Variants in DBNDD1 observed in about 807,000 individuals in gnomAD.
DBNDD1 encodes the protein dysbindin domain containing 1.
DBNDD1 carries 14 observed loss-of-function variants against 17.0 expected under a neutral mutation model. The ratio of observed to expected loss-of-function variants is 0.82; its 90% confidence interval spans 0.54 to 1.29. The LOEUF (loss-of-function observed/expected upper bound fraction) is 1.29. Ranked by LOEUF, DBNDD1 falls within the 50% of genes most tolerant of loss-of-function variation. DBNDD1 has a pLI of 0.00. For missense variants in DBNDD1, 221 were observed against 216.2 expected (o/e 1.02, Z -0.14); for synonymous variants, 105 against 102.0 (o/e 1.03, Z -0.18).
At chr16:90,009,487 G>A (rs1371200492) in intron 1 of DBNDD1, 57 bp from the exon 2 acceptor site, 1 of 1,596,648 alleles carries the variant, frequency 6.3e-7, no homozygotes. Context: ...CATCCCCCCA[G>A]GACGCGGGGC....
intron 1 of DBNDD1, among the ~76,000 whole-genome samples, chr16:90,013,620 G>A (rs537055626): frequency 2.2e-4 from 34 of 152,264 alleles, no homozygotes; most frequent in Admixed American, 1.8e-3. Flanking sequence ...CTGGGGGGAC[G>A]TGGATCTCTG....
rs1366830444 is a variant in DBNDD1 at position 90,019,101 on chromosome 16, A to G, written c.31+210T>C. Reference sequence around the variant, plus strand: ...GGCTTCCCGGGCCGGGAGCGCAGAGAACAAGGGGGCGGAGACTCGGTCCGT... The same window carrying G: ...GGCTTCCCGGGCCGGGAGCGCAGAGGACAAGGGGGCGGAGACTCGGTCCGT... On this transcript the variant is annotated intron_variant, in intron 1 of 3. Transcript: ENST00000002501. This position sits in a 1 kb window ranked among gnomAD's most constrained non-coding sequence, Gnocchi z 6.1. 1.3e-5 allele frequency among the ~76,000 whole-genome samples: 2 copies of G among 152,108 alleles called. No individual in the cohort carries two copies. Among genetic ancestry groups the G allele is most frequent in the Non-Finnish European group, 2.9e-5 (2 of 67,986 alleles).
Position 90,008,885 on chromosome 16 carries a change from T to C in DBNDD1, c.218A>G (p.Asp73Gly). 6.3e-7 allele frequency: 1 copy of C among 1,589,640 alleles called. No homozygotes were observed. The highest frequency in any genetic ancestry group is 1.7e-5 in the Admixed American group (1 of 58,252). ...SSVSSLEVHF[D>G]LLDLTELTDM... The stretch of plus-strand genomic sequence containing the variant: ...GGTGAGCTCAGTGAGGTCCAGGAGG[T>C]CGAAGTGGACCTCCAGAGAGGAGAC... Residue 73 changes from aspartate to glycine, a missense_variant, in exon 3 of 4, where the codon GAC becomes GGC. Physicochemically the swap from Asp to Gly is moderately conservative, Grantham distance 94 (BLOSUM62 -1). Transcript: ENST00000002501.
At position 90,019,070 on chromosome 16, in the gene DBNDD1, G is replaced by T. The variant is rs1052391453; in HGVS notation, c.31+241C>A. Among the ~76,000 whole-genome samples, 1 of 152,218 alleles carries T rather than the reference G, an allele frequency of 6.6e-6. No individual in the cohort carries two copies. Among genetic ancestry groups the T allele is most frequent in the African/African-American group, 2.4e-5 (1 of 41,470 alleles). On this transcript the variant is annotated intron_variant, in intron 1 of 3. Coordinates refer to ENST00000002501, the MANE Select transcript of DBNDD1 (RefSeq NM_001042610.3). The surrounding 1 kb of genome is among the most constrained non-coding windows in gnomAD (Gnocchi z 6.1). ...CGGGCCACCCACCAAGGAGCGTGCC[G>T]GGCACGGCTTCCCGGGCCGGGAGCG... is the stretch of plus-strand genomic sequence containing the variant.
chr16:90,017,494 CAA>C (rs57236541), intron 1 of DBNDD1, among the ~76,000 whole-genome samples: 29,932 of 144,178 alleles, frequency 0.21, 4,248 homozygotes, highest in East Asian at 0.78. Context: ...GACTCCGTCT[CAA>C]AAAAAAAAAA....
intron 2 of DBNDD1, 89 bp from the exon 3 acceptor site, chr16:90,009,013 C>G (rs1223342054): frequency 2.1e-6 from 3 of 1,437,912 alleles, no homozygotes; most frequent in African/African-American, 1.4e-5. Flanking sequence ...GTGCTGTGTC[C>G]TCCCACAAGG....
intron 1 of DBNDD1, chr16:90,009,633 C>T (rs1479184463): frequency 1.4e-6 from 1 of 729,390 alleles, no homozygotes; most frequent in East Asian, 2.7e-5. Flanking sequence ...CTGCTCCTTC[C>T]CCTTGGGCCC....
At chr16:90,013,662 T>C (rs1486368412) in intron 1 of DBNDD1, among the ~76,000 whole-genome samples, 1 of 152,184 alleles carries the variant, frequency 6.6e-6, no homozygotes, top group Non-Finnish European at 1.5e-5. Flanking sequence ...GCGTCTCCCC[T>C]TGTAGTCCCC....
intron 3 of DBNDD1, 130 bp from the exon 4 acceptor site, chr16:90,006,622 G>C: frequency 8.3e-7 from 1 of 1,202,084 alleles, no homozygotes; most frequent in Non-Finnish European, 1.1e-6. Context: ...CACCAGGCAT[G>C]CACACATCTA....
At chr16:90,011,809 G>GA (rs2151262919) in intron 1 of DBNDD1, 1 of 377,232 alleles carries the variant, frequency 2.7e-6, no homozygotes, top group Non-Finnish European at 5.4e-6. Flanking sequence ...CAGGGGGTGA[G>GA]ATGTGGACTC....
At chr16:90,012,692 C>T (rs559986251) in intron 1 of DBNDD1, among the ~76,000 whole-genome samples, 1 of 152,046 alleles carries the variant, frequency 6.6e-6, no homozygotes, top group Non-Finnish European at 1.5e-5. Flanking sequence ...CTCCTGACCT[C>T]AGGTGATCCG....
chr16:90,017,386 T>TG (rs2035657743), intron 1 of DBNDD1, among the ~76,000 whole-genome samples: 1 of 151,156 alleles, frequency 6.6e-6, no homozygotes, highest in Non-Finnish European at 1.5e-5. Context: ...TCCCAGCCAC[T>TG]GGGGAGGCTG....
At chr16:90,012,452 CCTCTCCTCT>C (rs1320364852) in intron 1 of DBNDD1, among the ~76,000 whole-genome samples, 2 of 147,404 alleles carry the variant, frequency 1.4e-5, no homozygotes, top group African/African-American at 4.9e-5. Context: ...GGCACCCCCT[CCTCTCCTCT>C]CTCTTTTTTT....
chr16:90,015,330 G>A (rs1025675298), intron 1 of DBNDD1, among the ~76,000 whole-genome samples: 2 of 152,226 alleles, frequency 1.3e-5, no homozygotes, highest in Non-Finnish European at 2.9e-5. Context: ...TTGGCATGAA[G>A]AGCGTGCAGC....
In DBNDD1 at chr16:90,006,875, C is replaced by G. The variant is rs150530682; in HGVS notation, c.320-383G>C. The G allele has an allele frequency of 1.9e-4, 35 of 180,708 alleles. 1 individual carries two copies. Among genetic ancestry groups the G allele is most frequent in the African/African-American group, 1.0e-3 (34 of 32,660 alleles). The allele number at this position is 180,708 out of a possible 1,614,324, so 11.2% of individuals were successfully genotyped here. A position where few individuals can be genotyped will look rare whatever the true frequency, so the allele number is the denominator to read the frequency against. ...CCTGCAGGCCTCTTGGAGCCTCTGC[C>G]CCATCATGGGCCTTGTGTGTCCCCG... On this transcript the variant is annotated intron_variant, in intron 3 of 3. Transcript: ENST00000002501.
chr16:90,016,722 A>G (rs987200140), intron 1 of DBNDD1, among the ~76,000 whole-genome samples: 2 of 152,160 alleles, frequency 1.3e-5, no homozygotes, highest in Non-Finnish European at 2.9e-5. Flanking sequence ...CCTATTTTCC[A>G]GCACATTCTC....
chr16:90,011,068 G>C (rs150246110), intron 1 of DBNDD1, among the ~76,000 whole-genome samples: 1 of 152,246 alleles, frequency 6.6e-6, no homozygotes, highest in African/African-American at 2.4e-5. Flanking sequence ...CCCAGCGCAC[G>C]CTTGTCAGAT....
chr16:90,009,449 T>G lies in DBNDD1; in HGVS notation c.32-19A>C. 6.2e-7 allele frequency: 1 copy of G among 1,607,544 alleles called. No individual in the cohort carries two copies. The highest frequency in any genetic ancestry group is 8.5e-7 in the Non-Finnish European group (1 of 1,179,790). Reference sequence around the variant, plus strand: ...ACGATCTCTGCATCCAAAGACACAGTGTCACCTTGAGATCCACAGGGCTCC... The same window carrying G: ...ACGATCTCTGCATCCAAAGACACAGGGTCACCTTGAGATCCACAGGGCTCC... On this transcript the variant is annotated intron_variant, in intron 1 of 3. Transcript: ENST00000002501.
At chr16:90,019,619 C>T (rs2035739596), upstream of DBNDD1, 1 of 389,688 alleles carries the variant, frequency 2.6e-6, no homozygotes, top group African/African-American at 2.1e-5. The surrounding 1 kb of genome is among the most constrained non-coding windows in gnomAD (Gnocchi z 6.1). Flanking sequence ...CAGCGGACCC[C>T]TCCCCCGCCG....
Sources: allele counts gnomAD v4.1 joint callset (sites outside exome capture counted in the v4.1 genomes callset), GRCh38; gene constraint gnomAD v4.1.1; non-coding constraint Gnocchi (gnomAD v3.1); transcripts MANE v1.5; gene names NCBI Gene and HGNC (gene_info 2026-07-23, HGNC 2026-07-21).